FAM117B: variants seen among roughly 807,000 people sequenced by gnomAD.
FAM117B encodes the protein family with sequence similarity 117 member B.
A neutral mutation model predicts 52.8 loss-of-function variants in FAM117B; 22 were observed. That is an observed-to-expected ratio of 0.42 (90% CI 0.30 to 0.59). The LOEUF (loss-of-function observed/expected upper bound fraction) is 0.59. Ranked by LOEUF, FAM117B falls within the 20% of genes least tolerant of loss-of-function variation. The pLI, the probability that FAM117B is intolerant of heterozygous loss-of-function variation, is 0.22. For synonymous variants in FAM117B, 309 were observed against 324.1 expected, an observed-to-expected ratio of 0.95 and a Z score of 0.50; for missense variants, 678 against 802.6, an observed-to-expected ratio of 0.84 and a Z score of 1.88.
At chr2:202,755,511 C>T (rs780381432) in intron 4 of FAM117B, 27 bp from the exon 5 acceptor site, 35 of 1,609,374 alleles carry the variant, frequency 2.2e-5, no homozygotes, top group Non-Finnish European at 2.8e-5. Flanking sequence ...AATGTTAAGC[C>T]TCTCTTCTCC....
intron 4 of FAM117B, among the ~76,000 whole-genome samples, chr2:202,740,705 T>G (rs1018663523): frequency 6.6e-6 from 1 of 152,172 alleles, no homozygotes; most frequent in African/African-American, 2.4e-5. Flanking sequence ...TCTTTTACCT[T>G]GCAGTGAATT....
At chr2:202,740,174 C>CAAAAAAAAA (rs67479326) in intron 4 of FAM117B, among the ~76,000 whole-genome samples, 6 of 100,610 alleles carry the variant, frequency 6.0e-5, no homozygotes, top group Non-Finnish European at 8.9e-5. Flanking sequence ...CTTCATCCCC[C>CAAAAAAAAA]AAAAAAAAAA....
intron 1 of FAM117B, among the ~76,000 whole-genome samples, chr2:202,678,855 GACAAGGGTGGAC>G (rs781071895): frequency 4.6e-5 from 7 of 152,118 alleles, no homozygotes; most frequent in Non-Finnish European, 8.8e-5. Context: ...TCTGCACCCG[GACAAGGGTGGAC>G]ACAGTTTCTA....
At chr2:202,649,634 C>G (rs765762146) in intron 1 of FAM117B, among the ~76,000 whole-genome samples, 3 of 152,082 alleles carry the variant, frequency 2.0e-5, no homozygotes, top group South Asian at 2.1e-4. Context: ...ACATTGCAAC[C>G]TGTGCCTCCC....
chr2:202,698,530 C>G (rs563718803), intron 2 of FAM117B, among the ~76,000 whole-genome samples: 1 of 152,070 alleles, frequency 6.6e-6, no homozygotes, highest in African/African-American at 2.4e-5. Flanking sequence ...ACAAGCAATT[C>G]TCCTGTTTCA....
At chr2:202,725,275 C>A in intron 3 of FAM117B, 6 of 228,262 alleles carry the variant, frequency 2.6e-5, no homozygotes, top group South Asian at 1.1e-4. Context: ...AAAATTGTAA[C>A]AATACAACAA....
chr2:202,716,712 T>C (rs903194074), intron 2 of FAM117B, among the ~76,000 whole-genome samples: 2 of 152,212 alleles, frequency 1.3e-5, no homozygotes, highest in Non-Finnish European at 2.9e-5. Context: ...TTTTCTTTTT[T>C]TTCTTTTGTC....
chr2:202,687,477 A>G (rs187251290), intron 1 of FAM117B, among the ~76,000 whole-genome samples: 2 of 152,310 alleles, frequency 1.3e-5, no homozygotes, highest in Admixed American at 6.5e-5. Context: ...TGACTCAATC[A>G]TAGCTCACTC....
intron 1 of FAM117B, among the ~76,000 whole-genome samples, chr2:202,691,696 T>TGCGCGC (rs1407882035): frequency 7.7e-6 from 1 of 129,526 alleles, no homozygotes; most frequent in South Asian, 2.4e-4. Flanking sequence ...TGTGTGTGTG[T>TGCGCGC]GTGCGCGCGC....
intron 4 of FAM117B, among the ~76,000 whole-genome samples, chr2:202,750,513 AAAC>A (rs1392343037): frequency 3.9e-5 from 6 of 152,288 alleles, no homozygotes; most frequent in South Asian, 4.1e-4. Flanking sequence ...ACCCTGTCTC[AAAC>A]AACAACAACA....
chr2:202,735,400 A>G (rs1302977895), intron 4 of FAM117B, among the ~76,000 whole-genome samples: 1 of 152,208 alleles, frequency 6.6e-6, no homozygotes, highest in African/African-American at 2.4e-5. Flanking sequence ...TATTGCTGTT[A>G]GGATAGTGGT....
At position 202,765,887 on chromosome 2, in the gene FAM117B, G is replaced by T. The variant is rs529447320; in HGVS notation, c.*123G>T. ...CTCCAGCTTTCCAGTGACATGTGAC[G>T]GCGAGGCTTCTGGAAGAAAGGATCC... On this transcript the variant is annotated 3_prime_UTR_variant, in exon 8 of 8. Coordinates refer to ENST00000392238, the MANE Select transcript of FAM117B (RefSeq NM_173511.4). The T allele has an allele frequency of 1.9e-6, 2 of 1,048,432 alleles. No homozygotes were observed. Among genetic ancestry groups the T allele is most frequent in the South Asian group, 3.4e-5 (2 of 59,592 alleles). 64.9% of individuals were successfully genotyped at this position (1,048,432 alleles called of 1,614,324 possible). A position where few individuals can be genotyped will look rare whatever the true frequency, so the allele number is the denominator to read the frequency against.
At chr2:202,659,189 A>G (rs995351915) in intron 1 of FAM117B, among the ~76,000 whole-genome samples, 5 of 151,852 alleles carry the variant, frequency 3.3e-5, no homozygotes, top group Non-Finnish European at 5.9e-5. Flanking sequence ...TATTTTAAGT[A>G]GAGACGGGGT....
intron 1 of FAM117B, among the ~76,000 whole-genome samples, chr2:202,666,668 CTTTTTTTTTT>C (rs1157457357): frequency 7.9e-6 from 1 of 125,788 alleles, no homozygotes; most frequent in Non-Finnish European, 1.7e-5. Context: ...CGTTTCATTT[CTTTTTTTTTT>C]TTTTTTTTGA....
At chr2:202,683,001 A>G (rs1041228967) in intron 1 of FAM117B, among the ~76,000 whole-genome samples, 1 of 152,220 alleles carries the variant, frequency 6.6e-6, no homozygotes, top group African/African-American at 2.4e-5. Context: ...AGTAGACAAA[A>G]GGAAATCATA....
At chr2:202,761,735 C>T (rs1299674155) in intron 7 of FAM117B, among the ~76,000 whole-genome samples, 1 of 152,080 alleles carries the variant, frequency 6.6e-6, no homozygotes, top group Non-Finnish European at 1.5e-5. Flanking sequence ...CCATATTGGC[C>T]AGGCTAGTCT....
intron 4 of FAM117B, among the ~76,000 whole-genome samples, chr2:202,730,119 A>G (rs1691316239): frequency 6.6e-6 from 1 of 152,182 alleles, no homozygotes; most frequent in Non-Finnish European, 1.5e-5. Flanking sequence ...TACTATGGTA[A>G]GCATTTGGAT....
At chr2:202,635,906 G>A in intron 1 of FAM117B, 118 bp downstream of exon 1, 1 of 1,140,534 alleles carries the variant, frequency 8.8e-7, no homozygotes, top group Non-Finnish European at 1.1e-6. Context: ...CTGGGGGCGG[G>A]GCTGGGGGCG....
In FAM117B at chr2:202,767,799, A is replaced by G. The variant is rs1482149205; in HGVS notation, c.*2035A>G. ...CATTTAGGTAAATTGGATAAATTCA[A>G]CATTTGAATAAATCCGTCAGGTTTT... is the stretch of plus-strand genomic sequence containing the variant. On this transcript the variant is annotated 3_prime_UTR_variant, in exon 8 of 8. Coordinates refer to ENST00000392238, the MANE Select transcript of FAM117B (RefSeq NM_173511.4). 3 of 152,228 alleles carry G rather than the reference A, an allele frequency of 2.0e-5. No individual in the cohort carries two copies. The highest frequency in any genetic ancestry group is 4.4e-5 in the Non-Finnish European group (3 of 68,034). The allele number at this position is 152,228 out of a possible 1,614,324, so 9.4% of individuals were successfully genotyped here.
Sources: allele counts gnomAD v4.1 joint callset (sites outside exome capture counted in the v4.1 genomes callset), GRCh38; gene constraint gnomAD v4.1.1; transcripts MANE v1.5; gene names NCBI Gene and HGNC (gene_info 2026-07-23, HGNC 2026-07-21).